ARHGEF2: variants seen among roughly 807,000 people sequenced by gnomAD.
The protein encoded by ARHGEF2 is Rho/Rac guanine nucleotide exchange factor 2, also known as rho guanine nucleotide exchange factor 2.
A neutral mutation model predicts 121.0 loss-of-function variants in ARHGEF2; 22 were observed. That is an observed-to-expected ratio of 0.18 (90% confidence interval 0.13 to 0.26). The LOEUF (loss-of-function observed/expected upper bound fraction) is 0.26. Ranked by LOEUF, ARHGEF2 falls within the 10% of genes least tolerant of loss-of-function variation. The pLI is 1.00. For synonymous variants in ARHGEF2, 487 were observed against 530.0 expected (o/e 0.92, Z 1.11); for missense variants, 907 against 1,336.0 (o/e 0.68, Z 5.01).
At chr1:155,966,540 A>C in intron 3 of ARHGEF2, 61 bp from the exon 4 acceptor site, 1 of 1,580,500 alleles carries the variant, frequency 6.3e-7, no homozygotes, top group East Asian at 2.3e-5. Context: ...GATCACCCCC[A>C]GAGGCATGGG....
chr1:155,951,069 G>T lies in ARHGEF2; in HGVS notation c.2463C>A (p.Cys821Ter). The change falls in exon 20 of 22, where the codon TGC becomes TGA. Residue 821 changes from cysteine to a stop codon, truncating the protein, a stop_gained. Coordinates refer to ENST00000361247, the MANE Select transcript of ARHGEF2 (RefSeq NM_001162383.2). LOFTEE classifies it high-confidence loss of function. This position sits in a 1 kb window ranked among gnomAD's most constrained non-coding sequence, Gnocchi z 5.1. The part of the protein sequence containing the change: ...HALLQEELRR[C>*]RRLGEERATE... ...TTGCCCGTTCTTCACCTAGCCGCCGGCAGCGCCGTAGCTCCTCCTGCAGCA... is the reference window on the plus strand; with the variant it reads ...TTGCCCGTTCTTCACCTAGCCGCCGTCAGCGCCGTAGCTCCTCCTGCAGCA... 6.2e-7 allele frequency: 1 copy of T among 1,600,098 alleles called. No homozygotes were observed. The highest frequency in any genetic ancestry group is 8.5e-7 in the Non-Finnish European group (1 of 1,175,290).
chr1:155,973,676 G>A (rs1351327998), intron 1 of ARHGEF2, among the ~76,000 whole-genome samples: 1 of 151,920 alleles, frequency 6.6e-6, no homozygotes, highest in African/African-American at 2.4e-5. Flanking sequence ...AACGCAGGAG[G>A]TGGAGGTTGC....
intron 7 of ARHGEF2, among the ~76,000 whole-genome samples, chr1:155,964,174 A>ATATATATATG (rs1553244919): frequency 3.4e-4 from 27 of 78,698 alleles, no homozygotes; most frequent in Non-Finnish European, 4.5e-4. Flanking sequence ...AAAAATATAT[A>ATATATATATG]TATATATATA....
Position 155,965,553 on chromosome 1 carries a change from G to A in ARHGEF2, c.470+78C>T, listed in dbSNP as rs1572152993. The A allele has an allele frequency of 1.1e-5, 18 of 1,608,124 alleles. No individual in the cohort carries two copies. The East Asian group carries it at 3.8e-4, about 34-fold the overall frequency. On this transcript the variant is annotated intron_variant, in intron 5 of 21. Transcript: ENST00000361247. This position sits in a 1 kb window ranked among gnomAD's most constrained non-coding sequence, Gnocchi z 6.0. ...TGTCTACAGTTCTGAACTCAGGGAT[G>A]GAAAGGGACCTCTCAGCACCCCCTT...
intron 13 of ARHGEF2, among the ~76,000 whole-genome samples, chr1:155,955,561 GTT>G (rs1558006949): frequency 6.6e-6 from 1 of 152,108 alleles, no homozygotes; most frequent in Non-Finnish European, 1.5e-5. Flanking sequence ...TGGCTCCACT[GTT>G]TACCAGGTGG....
chr1:155,957,967 T>C (rs1048670323), intron 12 of ARHGEF2, 85 bp from the exon 13 acceptor site: 7 of 1,362,312 alleles, frequency 5.1e-6, no homozygotes, highest in Non-Finnish European at 7.0e-6. Context: ...GGACGAGGAC[T>C]GAAAGGACTG....
rs1219934364 is a variant in ARHGEF2, at chr1:155,964,214, A to T, written c.724+774T>A. On this transcript the variant is annotated intron_variant, in intron 7 of 21. Transcript: ENST00000361247. ...TATATATATACATATATATATATAT[A>T]TATTTTTTTTTTAGAGACAGAGGTC... 4.5e-5 allele frequency among the ~76,000 whole-genome samples: 6 copies of T among 133,898 alleles called. No homozygotes were observed. In the East Asian group the frequency reaches 6.8e-4, roughly 15 times the overall value. The allele number at this position is 133,898 out of a possible 152,430, so 87.8% of individuals were successfully genotyped here.
At chr1:155,978,756 G>A, upstream of ARHGEF2, 3 of 819,542 alleles carry the variant, frequency 3.7e-6, no homozygotes, top group Non-Finnish European at 4.6e-6. This position sits in a 1 kb window ranked among gnomAD's most constrained non-coding sequence, Gnocchi z 4.1. Flanking sequence ...CAGCGCCTGG[G>A]GGCGCCCTCT....
chr1:155,965,180 T>G lies in ARHGEF2; in HGVS notation c.581-49A>C, dbSNP rs1679114759. On this transcript the variant is annotated intron_variant, in intron 6 of 21. Transcript: ENST00000361247. The surrounding 1 kb of genome is among the most constrained non-coding windows in gnomAD (Gnocchi z 6.0). ...CTCAGAGGTCTTGAGTTCCCTTCCC[T>G]GGGTCCCTGGCCCTTCTCTAGATCC... 6.2e-7 allele frequency: 1 copy of G among 1,610,498 alleles called. No individual in the cohort carries two copies. The highest frequency in any genetic ancestry group is 8.5e-7 in the Non-Finnish European group (1 of 1,177,384).
chr1:155,973,732 C>T (rs372599876), intron 1 of ARHGEF2, among the ~76,000 whole-genome samples: 134 of 148,250 alleles, frequency 9.0e-4, no homozygotes, highest in African/African-American at 3.2e-3. Flanking sequence ...GGTGACAGAG[C>T]GAGACTCTGT....
Position 155,950,973 on chromosome 1 carries a change from G to A in ARHGEF2, c.2559C>T (p.Ala853=), listed in dbSNP as rs558391598. ...EQARALLERE[A]EEARRQLAAL... ...CGGCCAGCTGCCTTCGAGCCTCTTCGGCCTCACGCTCCAGCAGTGCCCGGG... is the reference window on the plus strand; with the variant it reads ...CGGCCAGCTGCCTTCGAGCCTCTTCAGCCTCACGCTCCAGCAGTGCCCGGG... Residue 853 remains alanine (A), a synonymous_variant, in exon 20 of 22, where the codon GCC becomes GCT. Transcript: ENST00000361247. This position sits in a 1 kb window ranked among gnomAD's most constrained non-coding sequence, Gnocchi z 5.2. The A allele has an allele frequency of 2.9e-5, 46 of 1,608,576 alleles. No individual in the cohort carries two copies. The highest frequency in any genetic ancestry group is 1.7e-4 in the Middle Eastern group (1 of 6,002).
chr1:155,952,669 G>A lies in ARHGEF2; in HGVS notation c.1943C>T (p.Ser648Phe). 1 of 1,614,052 alleles carries A rather than the reference G, an allele frequency of 6.2e-7. No homozygotes were observed. Among genetic ancestry groups the A allele is most frequent in the East Asian group, 2.2e-5 (1 of 44,870 alleles). ...CTGCAGCAGCCGCTCGCCACGAGGGGACTCAAGGGACTCAGAGCGGAAAAG... is the reference window on the plus strand; with the variant it reads ...CTGCAGCAGCCGCTCGCCACGAGGGAACTCAAGGGACTCAGAGCGGAAAAG... Reference protein sequence around the residue: ...RGLFRSESLESPRGERLLQDA... With the variant: ...RGLFRSESLEFPRGERLLQDA... Residue 648 changes from serine (S) to phenylalanine (F), a missense_variant, in exon 15 of 22, where the codon TCC (serine) becomes TTC (phenylalanine). Physicochemically the swap from Ser to Phe is radical, Grantham distance 155 (BLOSUM62 -2). Transcript: ENST00000361247.
intron 1 of ARHGEF2, among the ~76,000 whole-genome samples, chr1:155,976,933 C>A (rs1182236691): frequency 6.6e-6 from 1 of 152,088 alleles, no homozygotes; most frequent in Non-Finnish European, 1.5e-5. Flanking sequence ...ATCCCAACCC[C>A]CTAAGGAAAG....
At chr1:155,969,622 C>T in intron 1 of ARHGEF2, 3 of 1,186,164 alleles carry the variant, frequency 2.5e-6, no homozygotes, top group Non-Finnish European at 3.2e-6. Context: ...CCAGCCCTAG[C>T]TCTGCTCACC....
At position 155,962,449 on chromosome 1, in the gene ARHGEF2, C is replaced by T; in HGVS notation, c.1101+144G>A. 2 of 1,276,222 alleles carry T rather than the reference C, an allele frequency of 1.6e-6. No homozygotes were observed. Among genetic ancestry groups the T allele is most frequent in the Admixed American group, 2.1e-5 (1 of 47,602 alleles). 79.1% of individuals were successfully genotyped at this position (1,276,222 alleles called of 1,614,324 possible). On this transcript the variant is annotated intron_variant, in intron 9 of 21. Transcript: ENST00000361247. The surrounding 1 kb of genome is among the most constrained non-coding windows in gnomAD (Gnocchi z 5.8). ...CGTGCTCTAGCATTCTGAGGGGTTA[C>T]TGCTGACAGGATCTGTGTATGGATG... is the stretch of plus-strand genomic sequence containing the variant.
Position 155,947,987 on chromosome 1 carries a change from C to T in ARHGEF2, c.2916G>A (p.Glu972=), listed in dbSNP as rs547290179. ...RDFTRMQDIP[E]ETESRDGEAV... ...CCTCCCCGTCGCGGCTCTCCGTCTCCTCCGGGATGTCCTGCATTCTGGTAA... is the reference window on the plus strand; with the variant it reads ...CCTCCCCGTCGCGGCTCTCCGTCTCTTCCGGGATGTCCTGCATTCTGGTAA... The change falls in exon 22 of 22, where the codon GAG becomes GAA. Residue 972 remains glutamate, a synonymous_variant. Transcript: ENST00000361247. The T allele has an allele frequency of 1.5e-5, 23 of 1,551,262 alleles. No homozygotes were observed. The East Asian group carries it at 5.1e-4, about 34-fold the overall frequency.
chr1:155,965,793 C>T lies in ARHGEF2; in HGVS notation c.341-33G>A, dbSNP rs758043827. On this transcript the variant is annotated intron_variant, in intron 4 of 21. Coordinates refer to ENST00000361247, the MANE Select transcript of ARHGEF2 (RefSeq NM_001162383.2). This position sits in a 1 kb window ranked among gnomAD's most constrained non-coding sequence, Gnocchi z 6.0. ...GGAGAGATGCCCAGCAGGCAAACAT[C>T]AGACTCTGGTGCTTCCCAGGATTGA... 6.4e-6 allele frequency: 10 copies of T among 1,571,656 alleles called. No individual in the cohort carries two copies. In the South Asian group the frequency reaches 9.3e-5, roughly 15 times the overall value.
In ARHGEF2 at chr1:155,962,099, A is replaced by G. The variant is rs1249829002; in HGVS notation, c.1219+6T>C. 2 of 1,613,794 alleles carry G rather than the reference A, an allele frequency of 1.2e-6. No individual in the cohort carries two copies. The highest frequency in any genetic ancestry group is 1.7e-6 in the Non-Finnish European group (2 of 1,179,850). ...CAGTGGCCCTCTCCTGGGCCTGCCT[A>G]CTCACCGTGGGAATGCTGCAGGATG... On this transcript the variant is annotated splice_donor_region_variant and intron_variant, in intron 10 of 21. Transcript: ENST00000361247. This position sits in a 1 kb window ranked among gnomAD's most constrained non-coding sequence, Gnocchi z 5.8.
In ARHGEF2 at chr1:155,965,069, C is replaced by T. The variant is rs1328457566; in HGVS notation, c.643G>A (p.Asp215Asn). ...CTGTCCACAGCAAGACTCCAAGAGT[C>T]AGCTGCAAAGTCCTTCTCATCCATC... is the stretch of plus-strand genomic sequence containing the variant. Reference protein sequence around the residue: ...FEMDEKDFAADSWSLAVDSSF... With the variant: ...FEMDEKDFAANSWSLAVDSSF... The change falls in exon 7 of 22, where the codon GAC becomes AAC. Residue 215 changes from aspartate to asparagine, a missense_variant. By Grantham distance (23) the Asp-to-Asn change is conservative. Coordinates refer to ENST00000361247, the MANE Select transcript of ARHGEF2 (RefSeq NM_001162383.2). The surrounding 1 kb of genome is among the most constrained non-coding windows in gnomAD (Gnocchi z 6.0). 6.2e-7 allele frequency: 1 copy of T among 1,614,130 alleles called. No individual in the cohort carries two copies. The highest frequency in any genetic ancestry group is 1.7e-5 in the Admixed American group (1 of 60,018).
Sources: allele counts gnomAD v4.1 joint callset (sites outside exome capture counted in the v4.1 genomes callset), GRCh38; gene constraint gnomAD v4.1.1; non-coding constraint Gnocchi (gnomAD v3.1); transcripts MANE v1.5; gene names NCBI Gene and HGNC (gene_info 2026-07-23, HGNC 2026-07-21).